The following CSMD2 variants were observed in gnomAD, a reference collection of about 807,000 sequenced individuals.
The protein encoded by CSMD2 is CUB and sushi domain-containing protein 2.
CSMD2 carries 130 observed loss-of-function variants against 398.5 expected under a neutral mutation model. The observed-to-expected ratio is 0.33, with a 90% confidence interval of 0.28 to 0.38. The LOEUF is 0.38. CSMD2 is among the 10% of genes least tolerant of loss of function. The pLI is 1.00. For synonymous variants in CSMD2, 1,828 were observed against 1,908.5 expected, an observed-to-expected ratio of 0.96 and a Z score of 1.10; for missense variants, 3,829 against 4,764.9, an observed-to-expected ratio of 0.80 and a Z score of 5.78.
intron 11 of CSMD2, among the ~76,000 whole-genome samples, chr1:33,790,663 CTATCTATCT>C (rs1654136495): frequency 1.6e-5 from 1 of 61,972 alleles, no homozygotes; most frequent in Non-Finnish European, 3.3e-5. Context: ...GTTTGTCTGT[CTATCTATCT>C]ATCTATCTAT....
At chr1:33,915,938 A>T (rs1202931595) in intron 5 of CSMD2, among the ~76,000 whole-genome samples, 1 of 152,202 alleles carries the variant, frequency 6.6e-6, no homozygotes. Context: ...GTGTGATCTC[A>T]AGCAGGTAGT....
intron 55 of CSMD2, among the ~76,000 whole-genome samples, chr1:33,552,841 T>C (rs908201689): frequency 2.6e-5 from 4 of 152,146 alleles, no homozygotes; most frequent in Non-Finnish European, 4.4e-5. Context: ...TGTTCTGGAA[T>C]TAGACAGTGA....
chr1:33,809,979 T>G (rs1345525046), intron 10 of CSMD2, among the ~76,000 whole-genome samples: 1 of 151,894 alleles, frequency 6.6e-6, no homozygotes, highest in Non-Finnish European at 1.5e-5. Flanking sequence ...ATGGAAAAAA[T>G]TATACAAGTT....
At chr1:33,523,463 A>G in intron 66 of CSMD2, 44 bp from the exon 67 acceptor site, 1 of 910,522 alleles carries the variant, frequency 1.1e-6, no homozygotes, top group Non-Finnish European at 1.7e-6. Flanking sequence ...GATATGGGAA[A>G]ATTTCAAAAC....
chr1:34,032,514 T>A, intron 3 of CSMD2, 80 bp downstream of exon 3: 1 of 898,162 alleles, frequency 1.1e-6, no homozygotes, highest in Non-Finnish European at 1.7e-6. Context: ...CTTCCCTGCA[T>A]CTGTGAGCAA....
chr1:33,691,537 C>A (rs1645240820), intron 25 of CSMD2, among the ~76,000 whole-genome samples: 1 of 152,142 alleles, frequency 6.6e-6, no homozygotes, highest in African/African-American at 2.4e-5. Flanking sequence ...CAGCAAAACA[C>A]CCATTCAGCC....
At chr1:34,149,416 G>A (rs1315314933) in intron 1 of CSMD2, among the ~76,000 whole-genome samples, 1 of 152,124 alleles carries the variant, frequency 6.6e-6, no homozygotes, top group Non-Finnish European at 1.5e-5. Flanking sequence ...AATGCCAGCT[G>A]CCCCCCACCA....
chr1:33,836,476 G>T (rs928545814), intron 6 of CSMD2, among the ~76,000 whole-genome samples: 1 of 152,210 alleles, frequency 6.6e-6, no homozygotes, highest in Admixed American at 6.5e-5. Flanking sequence ...ATCTACAGAG[G>T]CAGACCAGCA....
chr1:33,903,226 A>T (rs1258394567), intron 5 of CSMD2, among the ~76,000 whole-genome samples: 3 of 152,176 alleles, frequency 2.0e-5, no homozygotes. Context: ...TTTGAGCCTA[A>T]TTGATTTCTT....
intron 5 of CSMD2, chr1:33,869,466 T>C (rs915933759): frequency 5.9e-5 from 9 of 152,206 alleles, no homozygotes; most frequent in African/African-American, 2.2e-4. Flanking sequence ...AGGGGAATAC[T>C]TCTTCCTGGG....
At chr1:34,047,385 G>A (rs1398578658) in intron 2 of CSMD2, among the ~76,000 whole-genome samples, 2 of 151,926 alleles carry the variant, frequency 1.3e-5, no homozygotes, top group Non-Finnish European at 2.9e-5. Flanking sequence ...CCTTTACACC[G>A]AGGCTTTGAT....
chr1:34,140,270 C>A (rs544124341), intron 1 of CSMD2, among the ~76,000 whole-genome samples: 1 of 143,834 alleles, frequency 7.0e-6, no homozygotes, highest in South Asian at 2.2e-4. Context: ...AGATAATACT[C>A]CAGACAGAGG....
chr1:33,793,811 T>C (rs1211582557), intron 10 of CSMD2, among the ~76,000 whole-genome samples: 6 of 152,012 alleles, frequency 3.9e-5, no homozygotes, highest in African/African-American at 1.4e-4. Flanking sequence ...AGGATGCATG[T>C]GGTGCTGAGG....
intron 48 of CSMD2, among the ~76,000 whole-genome samples, chr1:33,578,271 A>G (rs1235111491): frequency 6.6e-6 from 1 of 152,224 alleles, no homozygotes; most frequent in East Asian, 1.9e-4. Flanking sequence ...AGTGCTTGCA[A>G]TACAACAGTG....
In CSMD2 at chr1:33,788,681, C is replaced by T. The variant is rs766503068; in HGVS notation, c.1582G>A (p.Val528Ile). Residue 528 changes from valine to isoleucine, a missense_variant, in exon 12 of 71, where the codon GTC (valine) becomes ATC (isoleucine). By Grantham distance (29) the Val-to-Ile change is conservative. This residue lies in a region of CSMD2 where 2,001 missense variants were observed against 2,567.1 expected (regional missense o/e 0.78). Coordinates refer to ENST00000373381, the MANE Select transcript of CSMD2 (RefSeq NM_001281956.2). The stretch of plus-strand genomic sequence containing the variant: ...AGCCACATTTGATGATTGGTGCTGA[C>T]AATGAGATCCGGGACCGATGTACCT... Reference protein sequence around the residue: ...LTGTSVPDLIVSTNHQMWLLF... With the variant: ...LTGTSVPDLIISTNHQMWLLF... 6.2e-7 allele frequency: 1 copy of T among 1,613,668 alleles called. No homozygotes were observed. Among genetic ancestry groups the T allele is most frequent in the Non-Finnish European group, 8.5e-7 (1 of 1,179,734 alleles).
chr1:33,523,363 G>A lies in CSMD2; in HGVS notation c.10453C>T (p.Pro3485Ser), dbSNP rs138224779. 5 of 1,602,654 alleles carry A rather than the reference G, an allele frequency of 3.1e-6. No homozygotes were observed. The African/African-American group carries it at 5.4e-5, about 17-fold the overall frequency. Reference protein sequence around the residue: ...LLLQVYQITGPVEIFMNKFKD... With the variant: ...LLLQVYQITGSVEIFMNKFKD... ...AACTTATTCATAAAGATCTCCACAG[G>A]CCCTGTAATCTGGTACACCTGGAGT... Residue 3485 changes from proline (P) to serine (S), a missense_variant, in exon 67 of 71, where the codon CCT becomes TCT. Around this residue, in one of 5 missense-constraint regions of CSMD2, gnomAD observed 917 missense variants for 1,199.5 expected, o/e 0.76. Coordinates refer to ENST00000373381, the MANE Select transcript of CSMD2 (RefSeq NM_001281956.2).
chr1:33,956,984 T>C (rs1312666081), intron 3 of CSMD2, among the ~76,000 whole-genome samples: 1 of 152,050 alleles, frequency 6.6e-6, no homozygotes, highest in Non-Finnish European at 1.5e-5. Flanking sequence ...CTCCAGCCAC[T>C]GTGGCCCAAC....
chr1:33,625,394 G>C (rs913918616), intron 33 of CSMD2, 140 bp from the exon 34 acceptor site: 5 of 752,172 alleles, frequency 6.6e-6, no homozygotes, highest in South Asian at 1.7e-5. Context: ...GGAAGGGCTC[G>C]AGGGCTAACT....
At chr1:33,834,016 G>A (rs1050454150) in intron 6 of CSMD2, among the ~76,000 whole-genome samples, 1 of 147,660 alleles carries the variant, frequency 6.8e-6, no homozygotes, top group Non-Finnish European at 1.5e-5. Flanking sequence ...CAACCAAATG[G>A]AAGAACATTC....
Sources: allele counts gnomAD v4.1 joint callset (sites outside exome capture counted in the v4.1 genomes callset), GRCh38; gene constraint gnomAD v4.1.1; regional missense constraint gnomAD v4.1.1; transcripts MANE v1.5; gene names NCBI Gene and HGNC (gene_info 2026-07-23, HGNC 2026-07-21).